SMAD2: variants seen among roughly 807,000 people sequenced by gnomAD.
SMAD2 encodes MAD homolog 2.
Under a neutral mutation model 64.4 loss-of-function variants are expected in SMAD2, and 8 were observed. The observed-to-expected ratio is 0.12, with a 90% CI of 0.07 to 0.22. The LOEUF (loss-of-function observed/expected upper bound fraction) is 0.22. SMAD2 is among the 10% of genes least tolerant of loss of function. The pLI is 1.00. For missense variants in SMAD2, 289 were observed against 561.2 expected, an observed-to-expected ratio of 0.51 and a Z score of 4.90; for synonymous variants, 203 against 195.8, an observed-to-expected ratio of 1.04 and a Z score of -0.31.
rs1462873054 is a variant in SMAD2, at chr18:47,813,948, G to C, written c.*27879C>G. ...AGTATAAACAAATTACAAAGGGAGTGATGAGAAGAGGCAATGAAGTTTGGG... is the reference window on the plus strand; with the variant it reads ...AGTATAAACAAATTACAAAGGGAGTCATGAGAAGAGGCAATGAAGTTTGGG... On this transcript the variant is annotated 3_prime_UTR_variant, in exon 11 of 11. Coordinates refer to ENST00000262160, the MANE Select transcript of SMAD2 (RefSeq NM_005901.6). 1 of 152,106 alleles carries C rather than the reference G, an allele frequency of 6.6e-6. No homozygotes were observed. Among genetic ancestry groups the C allele is most frequent in the South Asian group, 2.1e-4 (1 of 4,820 alleles). 9.4% of individuals were successfully genotyped at this position (152,106 alleles called of 1,614,324 possible).
Position 47,815,517 on chromosome 18 carries a change from A to G in SMAD2, c.*26310T>C, listed in dbSNP as rs1912337858. On this transcript the variant is annotated 3_prime_UTR_variant, in exon 11 of 11. Coordinates refer to ENST00000262160, the MANE Select transcript of SMAD2 (RefSeq NM_005901.6). ...AGACCTGCTAAAGCAGAATCTCACA[A>G]TTGAGGCCAGGGAACCTACATTTTA... The G allele has an allele frequency of 6.6e-6, 1 of 152,226 alleles. No individual in the cohort carries two copies. Among genetic ancestry groups the G allele is most frequent in the Non-Finnish European group, 1.5e-5 (1 of 68,028 alleles). 9.4% of individuals were successfully genotyped at this position (152,226 alleles called of 1,614,324 possible).
rs2033445585 is a variant in SMAD2 at position 47,896,517 on chromosome 18, T to C, written c.236+4A>G. On this transcript the variant is annotated splice_donor_region_variant and intron_variant, in intron 2 of 10. Transcript: ENST00000262160. ...GATCAAACCTGGGATCTAACAAAACTTACCTTGGTATGGTAACACATTTAG... is the reference window on the plus strand; with the variant it reads ...GATCAAACCTGGGATCTAACAAAACCTACCTTGGTATGGTAACACATTTAG... 6.2e-7 allele frequency: 1 copy of C among 1,614,120 alleles called. No homozygotes were observed. Among genetic ancestry groups the C allele is most frequent in the East Asian group, 2.2e-5 (1 of 44,884 alleles).
chr18:47,869,218 A>G (rs2144377148), intron 4 of SMAD2, 25 bp downstream of exon 4: 1 of 1,581,958 alleles, frequency 6.3e-7, no homozygotes, highest in Non-Finnish European at 8.7e-7. Context: ...TTCAAAACCA[A>G]GAAAAAAACT....
At chr18:47,907,223 A>G (rs548253340) in intron 1 of SMAD2, among the ~76,000 whole-genome samples, 1 of 152,374 alleles carries the variant, frequency 6.6e-6, no homozygotes, top group East Asian at 1.9e-4. Context: ...AGAAACCTGT[A>G]TAAGAATGTT....
At chr18:47,904,630 A>T (rs9950207) in intron 1 of SMAD2, among the ~76,000 whole-genome samples, 87,307 of 151,912 alleles carry the variant, frequency 0.57, 25,433 homozygotes, top group East Asian at 0.8. Flanking sequence ...CAAAAATCCT[A>T]AACAAAATAT....
At chr18:47,856,523 C>T (rs1051411074) in intron 6 of SMAD2, among the ~76,000 whole-genome samples, 2 of 152,142 alleles carry the variant, frequency 1.3e-5, no homozygotes, top group African/African-American at 2.4e-5. Flanking sequence ...TTCCAGAAAA[C>T]TGGGAATCAT....
chr18:47,882,698 A>C lies in SMAD2; in HGVS notation c.237-12134T>G, dbSNP rs144101705. Among the ~76,000 whole-genome samples, 12 of 152,328 alleles carry C rather than the reference A, an allele frequency of 7.9e-5. No individual in the cohort carries two copies. In the East Asian group the frequency reaches 2.3e-3, roughly 29 times the overall value. ...GAGTTTATTGTCTATAAGATTGGTG[A>C]TATTTGTTGCACAAATGCTTAAATT... On this transcript the variant is annotated intron_variant, in intron 2 of 10. Coordinates refer to ENST00000262160, the MANE Select transcript of SMAD2 (RefSeq NM_005901.6).
chr18:47,898,673 A>T (rs1485732950), intron 1 of SMAD2, among the ~76,000 whole-genome samples: 1 of 136,282 alleles, frequency 7.3e-6, no homozygotes, highest in African/African-American at 2.7e-5. Flanking sequence ...TTTTTTTTTT[A>T]AATATTCCCT....
intron 2 of SMAD2, among the ~76,000 whole-genome samples, chr18:47,875,756 A>T (rs1219013186): frequency 6.6e-6 from 1 of 152,116 alleles, no homozygotes; most frequent in Non-Finnish European, 1.5e-5. Context: ...ACAAACAAAT[A>T]TTTAATGACA....
At chr18:47,856,294 C>T (rs1210303132) in intron 6 of SMAD2, among the ~76,000 whole-genome samples, 1 of 152,020 alleles carries the variant, frequency 6.6e-6, no homozygotes, top group African/African-American at 2.4e-5. Flanking sequence ...ACTACAGTTA[C>T]AATATTGTGT....
rs1047799646 is a variant in SMAD2, at chr18:47,828,547, AAAG to A, written c.*13277_*13279del. 14 of 168,502 alleles carry A rather than the reference AAAG, an allele frequency of 8.3e-5. No individual in the cohort carries two copies. Among genetic ancestry groups the A allele is most frequent in the African/African-American group, 2.6e-4 (11 of 41,806 alleles). 10.4% of individuals were successfully genotyped at this position (168,502 alleles called of 1,614,324 possible). A position where few individuals can be genotyped will look rare whatever the true frequency, so the allele number is the denominator to read the frequency against. ...TCAGATTGTTGCTGTGTCTGTGTAGAAAGAAGTAGACATAGGAGACTCCATTTT... is the reference window on the plus strand; with the variant it reads ...TCAGATTGTTGCTGTGTCTGTGTAGAAAGTAGACATAGGAGACTCCATTTT... On this transcript the variant is annotated 3_prime_UTR_variant, in exon 11 of 11. Transcript: ENST00000262160.
rs1764698888 is a variant in SMAD2 at position 47,823,628 on chromosome 18, T to C, written c.*18199A>G. The C allele has an allele frequency of 6.6e-6, 1 of 152,182 alleles. No individual in the cohort carries two copies. The allele number at this position is 152,182 out of a possible 1,614,324, so 9.4% of individuals were successfully genotyped here. ...AAGTTCACCATACCAACCAATGCCATAGCTAGAGACATTCAAACTGCAAAC... is the reference window on the plus strand; with the variant it reads ...AAGTTCACCATACCAACCAATGCCACAGCTAGAGACATTCAAACTGCAAAC... On this transcript the variant is annotated 3_prime_UTR_variant, in exon 11 of 11. Coordinates refer to ENST00000262160, the MANE Select transcript of SMAD2 (RefSeq NM_005901.6).
At position 47,841,773 on chromosome 18, in the gene SMAD2, A is replaced by G. The variant is rs1175605925; in HGVS notation, c.*54T>C. The G allele has an allele frequency of 1.2e-6, 2 of 1,609,274 alleles. No individual in the cohort carries two copies. Among genetic ancestry groups the G allele is most frequent in the South Asian group, 1.1e-5 (1 of 90,876 alleles). On this transcript the variant is annotated 3_prime_UTR_variant, in exon 11 of 11. Coordinates refer to ENST00000262160, the MANE Select transcript of SMAD2 (RefSeq NM_005901.6). ...GTCCATAGGGACCACACACAATGCT[A>G]TGACAGAAGAGTTGTTACATTAAGT...
At chr18:47,856,198 G>T in intron 6 of SMAD2, among the ~76,000 whole-genome samples, 1 of 152,034 alleles carries the variant, frequency 6.6e-6, no homozygotes, top group East Asian at 1.9e-4. Flanking sequence ...TTACAGGTTG[G>T]GGGGAAAATA....
intron 2 of SMAD2, among the ~76,000 whole-genome samples, chr18:47,885,128 C>CAT (rs750211705): frequency 0.066 from 4,393 of 67,026 alleles, 131 homozygotes; most frequent in African/African-American, 0.11. Context: ...TAGATTTAGT[C>CAT]ATATACACAC....
At position 47,841,362 on chromosome 18, in the gene SMAD2, C is replaced by T. The variant is rs988457738; in HGVS notation, c.*465G>A. The T allele has an allele frequency of 1.7e-5, 4 of 237,714 alleles. No individual in the cohort carries two copies. Among genetic ancestry groups the T allele is most frequent in the African/African-American group, 8.8e-5 (4 of 45,276 alleles). 14.7% of individuals were successfully genotyped at this position (237,714 alleles called of 1,614,324 possible). A position where few individuals can be genotyped will look rare whatever the true frequency, so the allele number is the denominator to read the frequency against. ...TATATTATATATTAAAAAAGACACA[C>T]AAAAATAACAGAGAAGTGGGAATAA... On this transcript the variant is annotated 3_prime_UTR_variant, in exon 11 of 11. Coordinates refer to ENST00000262160, the MANE Select transcript of SMAD2 (RefSeq NM_005901.6).
At position 47,821,214 on chromosome 18, in the gene SMAD2, A is replaced by G. The variant is rs2144236273; in HGVS notation, c.*20613T>C. On this transcript the variant is annotated 3_prime_UTR_variant, in exon 11 of 11. Transcript: ENST00000262160. ...ATCTCACAAGTTCAACCTTTGCTGT[A>G]TCTTGCTGCACCTTATTTGTAGGTC... 6.6e-6 allele frequency: 1 copy of G among 152,250 alleles called. No homozygotes were observed. The highest frequency in any genetic ancestry group is 1.5e-5 in the Non-Finnish European group (1 of 68,004). The allele number at this position is 152,250 out of a possible 1,614,324, so 9.4% of individuals were successfully genotyped here. A position where few individuals can be genotyped will look rare whatever the true frequency, so the allele number is the denominator to read the frequency against.
chr18:47,900,074 CT>C (rs2033620970), intron 1 of SMAD2, among the ~76,000 whole-genome samples: 1 of 152,060 alleles, frequency 6.6e-6, no homozygotes, highest in African/African-American at 2.4e-5. Context: ...ATAACAACCT[CT>C]ATAAAAATGT....
chr18:47,891,659 GGACTACA>G (rs1284108916), intron 2 of SMAD2, among the ~76,000 whole-genome samples: 1 of 151,712 alleles, frequency 6.6e-6, no homozygotes, highest in Non-Finnish European at 1.5e-5. Flanking sequence ...CAAGCAGCTG[GGACTACA>G]GGTGAATGCT....
Sources: allele counts gnomAD v4.1 joint callset (sites outside exome capture counted in the v4.1 genomes callset), GRCh38; gene constraint gnomAD v4.1.1; transcripts MANE v1.5; gene names NCBI Gene and HGNC (gene_info 2026-07-23, HGNC 2026-07-21).